AFF1: variants seen among roughly 807,000 people sequenced by gnomAD.
The protein encoded by AFF1 is AF4/FMR2 family member 1.
Under a neutral mutation model 121.7 loss-of-function variants are expected in AFF1, and 48 were observed. The ratio of observed to expected loss-of-function variants is 0.39; its 90% CI spans 0.31 to 0.50. The LOEUF (loss-of-function observed/expected upper bound fraction) is 0.50, where lower values mean the gene tolerates loss of function less well. Among genes scored for constraint, AFF1 ranks in the 20% least tolerant of loss-of-function variants. AFF1 has a pLI of 0.76. For synonymous variants in AFF1, 613 were observed against 563.0 expected, an observed-to-expected ratio of 1.09 and a Z score of -1.26; for missense variants, 1,523 against 1,511.7, an observed-to-expected ratio of 1.01 and a Z score of -0.12.
chr4:87,008,337 T>C (rs1726383226), intron 2 of AFF1, among the ~76,000 whole-genome samples: 2 of 152,178 alleles, frequency 1.3e-5, no homozygotes, highest in South Asian at 4.1e-4. Flanking sequence ...ACTCAGATCA[T>C]GGAGAGAAAT....
chr4:86,944,386 T>C (rs13125904), intron 1 of AFF1, among the ~76,000 whole-genome samples: 71,133 of 142,518 alleles, frequency 0.5, 20,271 homozygotes, highest in South Asian at 0.65. Context: ...TTTTTTTTTT[T>C]TGGACAGTCT....
intron 2 of AFF1, among the ~76,000 whole-genome samples, chr4:86,984,321 AT>A (rs1165178647): frequency 1.8e-4 from 24 of 132,268 alleles, no homozygotes; most frequent in Middle Eastern, 8.0e-3. Flanking sequence ...TCCAAGTGAC[AT>A]TTTTTTTTCT....
At chr4:87,059,040 GGAGGC>G (rs1720454757) in intron 4 of AFF1, among the ~76,000 whole-genome samples, 1 of 152,064 alleles carries the variant, frequency 6.6e-6, no homozygotes, top group African/African-American at 2.4e-5. Context: ...AATCTCCTTT[GGAGGC>G]TGCTGTTCCC....
intron 4 of AFF1, among the ~76,000 whole-genome samples, chr4:87,059,816 C>T (rs1276947029): frequency 6.6e-6 from 1 of 152,206 alleles, no homozygotes; most frequent in African/African-American, 2.4e-5. Flanking sequence ...CCCTTGGTAT[C>T]ATCCTGCTGC....
chr4:87,002,327 C>T (rs1179816305), intron 2 of AFF1, among the ~76,000 whole-genome samples: 3 of 151,674 alleles, frequency 2.0e-5, no homozygotes, highest in African/African-American at 4.8e-5. Context: ...AACTCCTGGC[C>T]TCAAGTGATC....
At chr4:87,080,512 G>A (rs958934401) in intron 4 of AFF1, among the ~76,000 whole-genome samples, 8 of 152,158 alleles carry the variant, frequency 5.3e-5, no homozygotes, top group African/African-American at 1.7e-4. Context: ...TTTGGCTGGA[G>A]ACCCTATTGG....
intron 8 of AFF1, among the ~76,000 whole-genome samples, chr4:87,104,866 T>A (rs546240072): frequency 4.8e-5 from 7 of 147,240 alleles, no homozygotes; most frequent in East Asian, 3.9e-4. Context: ...GAGGAAATTT[T>A]TTTTTTTTTC....
chr4:87,087,647 T>C (rs919465172), intron 5 of AFF1, among the ~76,000 whole-genome samples: 2 of 152,210 alleles, frequency 1.3e-5, no homozygotes, highest in Non-Finnish European at 2.9e-5. Context: ...TAAGTCCCTC[T>C]AGTAAGCTAG....
chr4:86,991,834 CTTTT>C (rs34804329), intron 2 of AFF1, among the ~76,000 whole-genome samples: 4 of 113,682 alleles, frequency 3.5e-5, no homozygotes, highest in African/African-American at 9.6e-5. Context: ...CTTCAAATTG[CTTTT>C]TTTTTTTTTT....
At position 87,131,867 on chromosome 4, in the gene AFF1, G is replaced by A; in HGVS notation, c.3173+3G>A. The A allele has an allele frequency of 3.8e-6, 6 of 1,579,256 alleles. No individual in the cohort carries two copies. The highest frequency in any genetic ancestry group is 5.1e-6 in the Non-Finnish European group (6 of 1,168,976). On this transcript the variant is annotated splice_donor_region_variant and intron_variant, in intron 18 of 20. Transcript: ENST00000395146. Reference sequence around the variant, plus strand: ...GAGAAAATATTTGCTGTTTTATGGTGCGTATTTTCCTTTGTCTAAATAGTA... The same window carrying A: ...GAGAAAATATTTGCTGTTTTATGGTACGTATTTTCCTTTGTCTAAATAGTA...
intron 2 of AFF1, among the ~76,000 whole-genome samples, chr4:87,018,309 C>G (rs1048737690): frequency 2.6e-5 from 4 of 151,884 alleles, no homozygotes; most frequent in Admixed American, 6.6e-5. Context: ...AACAAACTGA[C>G]AAATAAAACA....
chr4:87,066,389 AGCC>A (rs1721348751), intron 4 of AFF1, among the ~76,000 whole-genome samples: 1 of 152,100 alleles, frequency 6.6e-6, no homozygotes, highest in African/African-American at 2.4e-5. Flanking sequence ...TTTTGAGACT[AGCC>A]TAGGCAACAT....
intron 2 of AFF1, among the ~76,000 whole-genome samples, chr4:86,967,250 G>A (rs1722599031): frequency 6.6e-6 from 1 of 152,180 alleles, no homozygotes; most frequent in South Asian, 2.1e-4. Flanking sequence ...AAAATTGGGT[G>A]GAGGAGTGGA....
intron 2 of AFF1, among the ~76,000 whole-genome samples, chr4:87,043,387 T>G (rs1017286823): frequency 6.6e-6 from 1 of 152,206 alleles, no homozygotes; most frequent in African/African-American, 2.4e-5. Context: ...CAGAGGATGG[T>G]TGCCTGCTTA....
intron 2 of AFF1, among the ~76,000 whole-genome samples, chr4:86,998,102 A>C (rs1725368106): frequency 3.3e-5 from 1 of 30,220 alleles, no homozygotes; most frequent in East Asian, 1.2e-3. Flanking sequence ...CCGTCTCAAA[A>C]AAAAAAAAAA....
intron 2 of AFF1, among the ~76,000 whole-genome samples, chr4:87,000,654 G>A (rs888046698): frequency 4.5e-5 from 6 of 133,606 alleles, no homozygotes; most frequent in Non-Finnish European, 8.3e-5. Flanking sequence ...AGAGGAAGTG[G>A]GGGAACTTGA....
In AFF1 at chr4:87,126,145, C is replaced by T. The variant is rs1728219548; in HGVS notation, c.2620C>T (p.Pro874Ser). 1 of 1,614,100 alleles carries T rather than the reference C, an allele frequency of 6.2e-7. No homozygotes were observed. The part of the protein sequence containing the change: ...SQSSKKEMLP[P>S]PPVSSSSQKP... ...GTCCTCAAAGAAGGAAATGCTCCCCCCGCCACCCGTGTCCTCGTCCTCCCA... is the reference window on the plus strand; with the variant it reads ...GTCCTCAAAGAAGGAAATGCTCCCCTCGCCACCCGTGTCCTCGTCCTCCCA... Residue 874 changes from proline to serine, a missense_variant, in exon 14 of 21, where the codon CCG becomes TCG. Pro to Ser is a moderately conservative substitution (Grantham distance 74). Coordinates refer to ENST00000395146, the MANE Select transcript of AFF1 (RefSeq NM_001166693.3).
Position 87,138,506 on chromosome 4 carries a change from TGTGTGTG to T in AFF1, c.*2806_*2812del, listed in dbSNP as rs1729476476. ...GCACTACAAGGTGTGTGTGTGTGTGTGTGTGTGTGTGTGTGTCTTTAGTAGGAAATGG... is the reference window on the plus strand; with the variant it reads ...GCACTACAAGGTGTGTGTGTGTGTGTTGTGTGTGTCTTTAGTAGGAAATGG... On this transcript the variant is annotated 3_prime_UTR_variant, in exon 21 of 21. Transcript: ENST00000395146. The T allele has an allele frequency of 4.8e-6, 1 of 206,516 alleles. No individual in the cohort carries two copies. The highest frequency in any genetic ancestry group is 2.8e-5 in the African/African-American group (1 of 36,158). The allele number at this position is 206,516 out of a possible 1,614,324, so 12.8% of individuals were successfully genotyped here.
At chr4:86,953,978 T>C (rs1414533104) in intron 2 of AFF1, among the ~76,000 whole-genome samples, 1 of 152,192 alleles carries the variant, frequency 6.6e-6, no homozygotes, top group Non-Finnish European at 1.5e-5. Flanking sequence ...CTCAAAGTGC[T>C]GGGATTACAG....
Sources: allele counts gnomAD v4.1 joint callset (sites outside exome capture counted in the v4.1 genomes callset), GRCh38; gene constraint gnomAD v4.1.1; transcripts MANE v1.5; gene names NCBI Gene and HGNC (gene_info 2026-07-23, HGNC 2026-07-21).